The following ZNF654 variants were observed in gnomAD, a reference collection of about 807,000 sequenced individuals.
ZNF654 encodes zinc finger protein 654.
ZNF654 carries 19 observed loss-of-function variants against 95.3 expected under a neutral mutation model. The ratio of observed to expected loss-of-function variants is 0.20; its 90% CI spans 0.14 to 0.29. ZNF654 has a LOEUF of 0.29. ZNF654 is among the 10% of genes least tolerant of loss of function. ZNF654 has a pLI of 1.00. For missense variants in ZNF654, 1,046 were observed against 1,341.0 expected (o/e 0.78, Z 3.44); for synonymous variants, 413 against 457.9 (o/e 0.90, Z 1.25).
In ZNF654 at chr3:88,072,338, G is replaced by A. The variant is rs182972659; in HGVS notation, c.186+12833G>A. On this transcript the variant is annotated intron_variant, in intron 1 of 8. Coordinates refer to ENST00000636215, the MANE Select transcript of ZNF654 (RefSeq NM_001350134.2). The stretch of plus-strand genomic sequence containing the variant: ...AGCAGTCAATGTGATCCTTTTAAAG[G>A]TATGAGTGAGGCCTCTTCCAAACCT... Among the ~76,000 whole-genome samples the A allele has an allele frequency of 9.8e-4, 149 of 152,148 alleles. 1 individual carries two copies. The highest frequency in any genetic ancestry group is 2.7e-3 in the African/African-American group (112 of 41,496).
At chr3:88,087,473 C>T (rs2107666033) in intron 2 of ZNF654, among the ~76,000 whole-genome samples, 1 of 152,148 alleles carries the variant, frequency 6.6e-6, no homozygotes, top group East Asian at 1.9e-4. Context: ...TAAGAACCCA[C>T]TAAAATTATA....
At chr3:88,069,039 A>G (rs1289915649) in intron 1 of ZNF654, among the ~76,000 whole-genome samples, 1 of 152,220 alleles carries the variant, frequency 6.6e-6, no homozygotes, top group Non-Finnish European at 1.5e-5. Flanking sequence ...CACTGTTAAA[A>G]AGACTCAAGG....
At chr3:88,102,180 T>C (rs1704466099) in intron 2 of ZNF654, among the ~76,000 whole-genome samples, 2 of 152,142 alleles carry the variant, frequency 1.3e-5, no homozygotes. Flanking sequence ...TGTAGTTTTC[T>C]TCGTGTTTCT....
chr3:88,081,800 A>C (rs1172683619), intron 1 of ZNF654, among the ~76,000 whole-genome samples: 1 of 152,044 alleles, frequency 6.6e-6, no homozygotes, highest in African/African-American at 2.4e-5. Context: ...CTTTTATTGG[A>C]GAATGGTATT....
chr3:88,141,761 G>C lies in ZNF654; in HGVS notation c.*109G>C. The C allele has an allele frequency of 1.2e-6, 1 of 812,968 alleles. No individual in the cohort carries two copies. Among genetic ancestry groups the C allele is most frequent in the East Asian group, 2.9e-5 (1 of 34,984 alleles). The allele number at this position is 812,968 out of a possible 1,614,324, so 50.4% of individuals were successfully genotyped here. ...CCCTGATGGCCTTAATTTTAGAGTG[G>C]TCTTGGATTACTAAAGATAAAGACA... On this transcript the variant is annotated 3_prime_UTR_variant, in exon 9 of 9. Transcript: ENST00000636215.
chr3:88,110,014 C>T (rs754999393), intron 2 of ZNF654, among the ~76,000 whole-genome samples: 2 of 152,062 alleles, frequency 1.3e-5, no homozygotes, highest in African/African-American at 2.4e-5. Flanking sequence ...CTGAGCAGAA[C>T]AAACCTCTGA....
At chr3:88,092,551 G>A (rs568395184) in intron 2 of ZNF654, among the ~76,000 whole-genome samples, 25 of 152,070 alleles carry the variant, frequency 1.6e-4, no homozygotes, top group African/African-American at 5.3e-4. Context: ...GAGCCTCTTA[G>A]GGATGGCAAA....
chr3:88,075,030 C>A (rs1332341185), intron 1 of ZNF654, among the ~76,000 whole-genome samples: 1 of 152,206 alleles, frequency 6.6e-6, no homozygotes, highest in Non-Finnish European at 1.5e-5. Context: ...AAAGTAGTAT[C>A]CTAATTTCTG....
At chr3:88,131,960 C>T (rs1706491179) in intron 6 of ZNF654, among the ~76,000 whole-genome samples, 1 of 152,066 alleles carries the variant, frequency 6.6e-6, no homozygotes. Context: ...TTTGCTGTAT[C>T]CCAAACCAAT....
chr3:88,075,445 A>G (rs1369897822), intron 1 of ZNF654, among the ~76,000 whole-genome samples: 3 of 152,136 alleles, frequency 2.0e-5, no homozygotes, highest in African/African-American at 7.2e-5. Flanking sequence ...TCATATTTGT[A>G]TTATTTGGAT....
At position 88,144,371 on chromosome 3, in the gene ZNF654, G is replaced by T. The variant is rs1453809017; in HGVS notation, c.*2719G>T. On this transcript the variant is annotated 3_prime_UTR_variant, in exon 9 of 9. Coordinates refer to ENST00000636215, the MANE Select transcript of ZNF654 (RefSeq NM_001350134.2). ...TTGTATGGATGAAAAACCTAAAAGGGATGATAGTGTTTATTTTTTAATTTA... is the reference window on the plus strand; with the variant it reads ...TTGTATGGATGAAAAACCTAAAAGGTATGATAGTGTTTATTTTTTAATTTA... 1.3e-5 allele frequency: 2 copies of T among 152,326 alleles called. No individual in the cohort carries two copies. The highest frequency in any genetic ancestry group is 2.9e-5 in the Non-Finnish European group (2 of 67,844). The allele number at this position is 152,326 out of a possible 1,614,324, so 9.4% of individuals were successfully genotyped here.
rs1559737985 is a variant in ZNF654, at chr3:88,140,298, T to C, written c.2629T>C (p.Ser877Pro). 1 of 1,613,776 alleles carries C rather than the reference T, an allele frequency of 6.2e-7. No individual in the cohort carries two copies. The highest frequency in any genetic ancestry group is 8.5e-7 in the Non-Finnish European group (1 of 1,179,780). ...CTATTTAAGTAAAACACCAGAGTCA[T>C]CTGCACAACCAAGTGAAACAATTCT... ...QHYLSKTPES[S>P]AQPSETILWD... Residue 877 changes from serine (S) to proline (P), a missense_variant, in exon 8 of 9, where the codon TCT becomes CCT. Around this residue, in one of 9 missense-constraint regions of ZNF654, gnomAD observed 495 missense variants for 537.0 expected, o/e 0.92. Coordinates refer to ENST00000636215, the MANE Select transcript of ZNF654 (RefSeq NM_001350134.2).
chr3:88,096,259 G>A (rs1417583228), intron 2 of ZNF654, among the ~76,000 whole-genome samples: 2 of 152,070 alleles, frequency 1.3e-5, no homozygotes, highest in African/African-American at 2.4e-5. Flanking sequence ...ATTGGCAATT[G>A]TGGCAAGTTG....
At chr3:88,125,703 A>G in intron 3 of ZNF654, among the ~76,000 whole-genome samples, 1 of 152,164 alleles carries the variant, frequency 6.6e-6, no homozygotes, top group East Asian at 1.9e-4. Flanking sequence ...CCAGCCAGAG[A>G]GAGACTTTAC....
intron 6 of ZNF654, among the ~76,000 whole-genome samples, chr3:88,134,817 G>A (rs947491281): frequency 8.6e-5 from 13 of 151,932 alleles, no homozygotes; most frequent in African/African-American, 3.1e-4. Context: ...AGACATCTTA[G>A]GTATGCCAAC....
chr3:88,139,609 G>C lies in ZNF654; in HGVS notation c.1940G>C (p.Ser647Thr). ...GAAGTGGAGACACTTACTGCTTCTAGTGAAGGAAACAAAGAAGTCATCCCT... is the reference window on the plus strand; with the variant it reads ...GAAGTGGAGACACTTACTGCTTCTACTGAAGGAAACAAAGAAGTCATCCCT... ...DLEVETLTAS[S>T]EGNKEVIPEH... The change falls in exon 8 of 9, where the codon AGT becomes ACT. Residue 647 changes from serine (S) to threonine (T), a missense_variant. Coordinates refer to ENST00000636215, the MANE Select transcript of ZNF654 (RefSeq NM_001350134.2). 1 of 1,613,716 alleles carries C rather than the reference G, an allele frequency of 6.2e-7. No homozygotes were observed. The highest frequency in any genetic ancestry group is 1.1e-5 in the South Asian group (1 of 91,060).
chr3:88,140,139 G>A lies in ZNF654; in HGVS notation c.2470G>A (p.Glu824Lys), dbSNP rs754346339. The A allele has an allele frequency of 1.2e-6, 2 of 1,613,732 alleles. No homozygotes were observed. The highest frequency in any genetic ancestry group is 1.7e-6 in the Non-Finnish European group (2 of 1,179,798). Residue 824 changes from glutamate (E) to lysine (K), a missense_variant, in exon 8 of 9, where the codon GAG becomes AAG. Physicochemically the swap from Glu to Lys is moderately conservative, Grantham distance 56 (BLOSUM62 1). Coordinates refer to ENST00000636215, the MANE Select transcript of ZNF654 (RefSeq NM_001350134.2). ...VYFCLHFNCN[E>K]SFKLPFQLAQ... is the part of the protein sequence containing the mutation. ...TTTTTGTTTGCATTTTAATTGCAACGAGTCGTTTAAGCTGCCGTTCCAGCT... is the reference window on the plus strand; with the variant it reads ...TTTTTGTTTGCATTTTAATTGCAACAAGTCGTTTAAGCTGCCGTTCCAGCT...
At chr3:88,137,341 AGTTG>A (rs1367872426) in intron 7 of ZNF654, among the ~76,000 whole-genome samples, 1 of 152,150 alleles carries the variant, frequency 6.6e-6, no homozygotes, top group Non-Finnish European at 1.5e-5. Context: ...AGAAATCAGT[AGTTG>A]GAATTCAGAA....
intron 1 of ZNF654, among the ~76,000 whole-genome samples, 155 bp downstream of exon 1, chr3:88,059,660 T>A (rs968333214): frequency 1.0e-4 from 15 of 146,078 alleles, no homozygotes; most frequent in African/African-American, 3.8e-4. Context: ...CTTATCCGGC[T>A]TGGGGTGGGG....
Sources: allele counts gnomAD v4.1 joint callset (sites outside exome capture counted in the v4.1 genomes callset), GRCh38; gene constraint gnomAD v4.1.1; regional missense constraint gnomAD v4.1.1; transcripts MANE v1.5; gene names NCBI Gene and HGNC (gene_info 2026-07-23, HGNC 2026-07-21).